INPP5A: variants seen among roughly 807,000 people sequenced by gnomAD.
INPP5A encodes 43 kDa inositol polyphosphate 5-phophatase.
Under a neutral mutation model 65.2 loss-of-function variants are expected in INPP5A, and 14 were observed. The observed-to-expected ratio is 0.21, with a 90% CI of 0.14 to 0.34. The LOEUF is 0.34. Among genes scored for constraint, INPP5A ranks in the 10% least tolerant of loss-of-function variants. The probability of loss-of-function intolerance (pLI) is 1.00; values close to 1 mark genes in which losing one functional copy is unlikely to be tolerated. For missense variants in INPP5A, 431 were observed against 545.6 expected, an observed-to-expected ratio of 0.79 and a Z score of 2.09; for synonymous variants, 207 against 208.3, an observed-to-expected ratio of 0.99 and a Z score of 0.05.
chr10:132,721,525 G>A lies in INPP5A; in HGVS notation c.648-5296G>A, dbSNP rs139572653. Among the ~76,000 whole-genome samples, 282 of 140,624 alleles carry A rather than the reference G, an allele frequency of 2.0e-3. 5 individuals carry two copies. Among genetic ancestry groups the A allele is most frequent in the African/African-American group, 7.2e-3 (268 of 37,368 alleles). 92.3% of individuals were successfully genotyped at this position (140,624 alleles called of 152,430 possible). On this transcript the variant is annotated intron_variant, in intron 8 of 15. Coordinates refer to ENST00000368594, the MANE Select transcript of INPP5A (RefSeq NM_005539.5). ...TGGGTTCTGTCTGGGGGCCTTAGAC[G>A]GCTATCTTGCGGTTTCTGTGGTGCC...
intron 4 of INPP5A, among the ~76,000 whole-genome samples, chr10:132,680,529 C>T (rs959288835): frequency 2.6e-5 from 4 of 152,270 alleles, no homozygotes; most frequent in Non-Finnish European, 5.9e-5. Context: ...TCGCTCTCGG[C>T]GCCTGCTCTG....
chr10:132,587,969 G>A lies in INPP5A; in HGVS notation c.76-19946G>A, dbSNP rs1009132021. On this transcript the variant is annotated intron_variant, in intron 1 of 15. Transcript: ENST00000368594. The surrounding 1 kb of genome is among the most constrained non-coding windows in gnomAD (Gnocchi z 4.3). Reference sequence around the variant, plus strand: ...GGAGGTTGCAGTGAGCCAAGATGGCGCCATTGCCCTCCAGCCTGGGCAACA... The same window carrying A: ...GGAGGTTGCAGTGAGCCAAGATGGCACCATTGCCCTCCAGCCTGGGCAACA... Among the ~76,000 whole-genome samples the A allele has an allele frequency of 7.4e-6, 1 of 135,730 alleles. No individual in the cohort carries two copies. The highest frequency in any genetic ancestry group is 2.3e-4 in the East Asian group (1 of 4,262). The allele number at this position is 135,730 out of a possible 152,430, so 89.0% of individuals were successfully genotyped here.
intron 4 of INPP5A, among the ~76,000 whole-genome samples, chr10:132,666,070 AG>A (rs1355677951): frequency 3.4e-5 from 5 of 149,138 alleles, no homozygotes; most frequent in East Asian, 2.0e-4. Context: ...AAAAAAAAAA[AG>A]AGAAGAATGA....
intron 8 of INPP5A, among the ~76,000 whole-genome samples, chr10:132,710,941 A>G (rs1046145888): frequency 6.6e-6 from 1 of 152,120 alleles, no homozygotes; most frequent in South Asian, 2.1e-4. Flanking sequence ...TCTGGGAGGC[A>G]CACTCTGCTC....
intron 2 of INPP5A, among the ~76,000 whole-genome samples, chr10:132,608,264 A>G (rs1219189217): frequency 6.6e-6 from 1 of 152,168 alleles, no homozygotes; most frequent in Non-Finnish European, 1.5e-5. Flanking sequence ...GGGCTGGGTG[A>G]GCATCCCCAG....
intron 2 of INPP5A, among the ~76,000 whole-genome samples, chr10:132,642,783 T>C (rs1338583907): frequency 6.6e-6 from 1 of 152,188 alleles, no homozygotes; most frequent in Non-Finnish European, 1.5e-5. Context: ...GACCCAACTG[T>C]CCATGTGGAG....
At chr10:132,763,830 C>T (rs1425324894) in intron 11 of INPP5A, among the ~76,000 whole-genome samples, 5 of 152,244 alleles carry the variant, frequency 3.3e-5, no homozygotes, top group Admixed American at 6.5e-5. Flanking sequence ...AACACATCTG[C>T]ATGCAAACAC....
At chr10:132,758,919 C>T (rs977060059) in intron 11 of INPP5A, among the ~76,000 whole-genome samples, 1 of 152,226 alleles carries the variant, frequency 6.6e-6, no homozygotes, top group Admixed American at 6.5e-5. Flanking sequence ...GACCCGCGTT[C>T]CTCCTGAAAA....
At chr10:132,717,254 C>A (rs1371428912) in intron 8 of INPP5A, among the ~76,000 whole-genome samples, 2 of 152,214 alleles carry the variant, frequency 1.3e-5, no homozygotes, top group Non-Finnish European at 2.9e-5. Flanking sequence ...CTCCCTCCCC[C>A]ACCCCCGTGA....
intron 2 of INPP5A, among the ~76,000 whole-genome samples, chr10:132,615,525 A>C (rs2072019712): frequency 6.6e-6 from 1 of 151,658 alleles, no homozygotes; most frequent in Non-Finnish European, 1.5e-5. Flanking sequence ...AGGCTCCTGA[A>C]CTCTCGGAAC....
chr10:132,780,357 G>C (rs968457949), intron 13 of INPP5A, among the ~76,000 whole-genome samples: 2 of 152,104 alleles, frequency 1.3e-5, no homozygotes, highest in Non-Finnish European at 2.9e-5. Context: ...GTCTGTTCTC[G>C]TTTGAACACT....
intron 1 of INPP5A, among the ~76,000 whole-genome samples, chr10:132,554,656 G>C (rs942441257): frequency 6.6e-6 from 1 of 151,218 alleles, no homozygotes; most frequent in African/African-American, 2.4e-5. Flanking sequence ...TGGTCCATGT[G>C]GGTAGTATAG....
intron 11 of INPP5A, among the ~76,000 whole-genome samples, chr10:132,758,856 A>G (rs531957798): frequency 7.2e-5 from 11 of 152,166 alleles, no homozygotes; most frequent in Non-Finnish European, 1.5e-4. Flanking sequence ...GGACTCTCCC[A>G]CGGTGTCCGG....
intron 2 of INPP5A, among the ~76,000 whole-genome samples, chr10:132,640,220 C>T (rs2072408489): frequency 6.6e-6 from 1 of 152,246 alleles, no homozygotes. Context: ...GAGGTACAGA[C>T]CATAAGCTCA....
At position 132,547,770 on chromosome 10, in the gene INPP5A, C is replaced by T. The variant is rs1213201077; in HGVS notation, c.75+9599C>T. On this transcript the variant is annotated intron_variant, in intron 1 of 15. Transcript: ENST00000368594. This position sits in a 1 kb window ranked among gnomAD's most constrained non-coding sequence, Gnocchi z 5.5. The stretch of plus-strand genomic sequence containing the variant: ...AGCCCGCGTGCCCCCAGCCCTGTGA[C>T]GCGCTCTTGGTGACTCACCAAGTGA... Among the ~76,000 whole-genome samples, 7 of 152,324 alleles carry T rather than the reference C, an allele frequency of 4.6e-5. No homozygotes were observed. Among genetic ancestry groups the T allele is most frequent in the East Asian group, 1.9e-4 (1 of 5,170 alleles).
At chr10:132,559,499 T>A (rs977715322) in intron 1 of INPP5A, among the ~76,000 whole-genome samples, 3 of 152,230 alleles carry the variant, frequency 2.0e-5, no homozygotes, top group Admixed American at 2.0e-4. Flanking sequence ...GATGACACCC[T>A]CCTTTCCCCC....
intron 2 of INPP5A, among the ~76,000 whole-genome samples, chr10:132,623,706 A>G (rs2133363497): frequency 1.3e-5 from 2 of 152,350 alleles, no homozygotes; most frequent in Middle Eastern, 6.8e-3. Flanking sequence ...AAAGAATGAA[A>G]AGACATATCA....
intron 2 of INPP5A, among the ~76,000 whole-genome samples, chr10:132,634,114 G>T (rs2072307365): frequency 6.6e-6 from 1 of 152,274 alleles, no homozygotes; most frequent in African/African-American, 2.4e-5. Flanking sequence ...TTAGGATTTA[G>T]ATGTTCTCAG....
In INPP5A at chr10:132,705,676, C is replaced by T. The variant is rs560296988; in HGVS notation, c.475-2637C>T. Among the ~76,000 whole-genome samples the T allele has an allele frequency of 5.3e-5, 8 of 152,290 alleles. No homozygotes were observed. The highest frequency in any genetic ancestry group is 8.8e-5 in the Non-Finnish European group (6 of 68,022). On this transcript the variant is annotated intron_variant, in intron 6 of 15. Coordinates refer to ENST00000368594, the MANE Select transcript of INPP5A (RefSeq NM_005539.5). This position sits in a 1 kb window ranked among gnomAD's most constrained non-coding sequence, Gnocchi z 4.9. ...TTTAAAAGTCTGCTTACCTGGGGCCCGGGACTTTACAGGTGAGGGAAGAAG... is the reference window on the plus strand; with the variant it reads ...TTTAAAAGTCTGCTTACCTGGGGCCTGGGACTTTACAGGTGAGGGAAGAAG...
Sources: gnomAD v4.1 joint callset for allele counts (sites outside exome capture counted in the v4.1 genomes callset) on GRCh38, gnomAD v4.1.1 for gene constraint, Gnocchi (gnomAD v3.1) non-coding constraint, MANE v1.5 for transcripts, NCBI Gene and HGNC (gene_info 2026-07-23, HGNC 2026-07-21) for gene names.